The following IQGAP2 variants were observed in gnomAD, a reference collection of about 807,000 sequenced individuals.
IQGAP2 encodes IQ motif containing GTPase activating protein 2.
In IQGAP2, 173 loss-of-function variants were observed where a neutral mutation model predicts 201.3. The ratio of observed to expected loss-of-function variants is 0.86; its 90% CI spans 0.76 to 0.98. IQGAP2 has a LOEUF of 0.98. Ranked by LOEUF, IQGAP2 falls within the 50% of genes least tolerant of loss-of-function variation. IQGAP2 has a pLI of 0.00. For synonymous variants in IQGAP2, 675 were observed against 673.9 expected (o/e 1.00, Z -0.03); for missense variants, 1,687 against 1,864.8 (o/e 0.90, Z 1.76).
chr5:76,522,617 G>T (rs2150196644), intron 2 of IQGAP2, among the ~76,000 whole-genome samples: 1 of 152,338 alleles, frequency 6.6e-6, no homozygotes, highest in East Asian at 1.9e-4. Context: ...ATGCAGAAAG[G>T]AGAATTCAGC....
chr5:76,687,521 A>G (rs1378698980), intron 30 of IQGAP2, among the ~76,000 whole-genome samples: 1 of 152,218 alleles, frequency 6.6e-6, no homozygotes, highest in African/African-American at 2.4e-5. Flanking sequence ...GTCTAAAAGT[A>G]CCAGTATCAG....
intron 21 of IQGAP2, among the ~76,000 whole-genome samples, chr5:76,662,922 C>T (rs1474985212): frequency 6.6e-6 from 1 of 152,210 alleles, no homozygotes; most frequent in Non-Finnish European, 1.5e-5. Flanking sequence ...TAAGTCAAGG[C>T]TGCCTCTCTC....
At chr5:76,406,828 C>CTT (rs35434290) in intron 1 of IQGAP2, among the ~76,000 whole-genome samples, 68,532 of 151,284 alleles carry the variant, frequency 0.45, 15,923 homozygotes, top group Admixed American at 0.51. Context: ...GTTTTCTACA[C>CTT]TACAAGATTC....
At chr5:76,656,905 A>T (rs1452372237) in intron 20 of IQGAP2, among the ~76,000 whole-genome samples, 2 of 152,170 alleles carry the variant, frequency 1.3e-5, no homozygotes, top group Non-Finnish European at 1.5e-5. Context: ...TTAAAAAAAA[A>T]AATAACTTTT....
chr5:76,553,852 G>GAATGC (rs1314908296), intron 2 of IQGAP2, among the ~76,000 whole-genome samples: 2 of 152,204 alleles, frequency 1.3e-5, no homozygotes, highest in Admixed American at 1.3e-4. Context: ...AAGAAGCAGT[G>GAATGC]AATGCAAGGA....
chr5:76,601,706 G>T (rs1405180619), intron 11 of IQGAP2, among the ~76,000 whole-genome samples: 1 of 152,168 alleles, frequency 6.6e-6, no homozygotes, highest in Non-Finnish European at 1.5e-5. Flanking sequence ...TTCAGCTACT[G>T]ATTTTGGAAC....
chr5:76,429,186 A>G lies in IQGAP2; in HGVS notation c.46+25595A>G, dbSNP rs77281707. ...GTCATGTATGTTTTCTCTTATAGAT[A>G]CTTTTTGACCTTATTACCCAAATAT... On this transcript the variant is annotated intron_variant, in intron 1 of 35. Transcript: ENST00000274364. 2.2e-3 allele frequency among the ~76,000 whole-genome samples: 328 copies of G among 152,200 alleles called. 1 individual carries two copies. Among genetic ancestry groups the G allele is most frequent in the African/African-American group, 7.7e-3 (318 of 41,518 alleles).
At chr5:76,552,064 T>C (rs1743591897) in intron 2 of IQGAP2, among the ~76,000 whole-genome samples, 1 of 152,158 alleles carries the variant, frequency 6.6e-6, no homozygotes, top group Non-Finnish European at 1.5e-5. Context: ...CTGAACACTT[T>C]CGTTGTGGGG....
chr5:76,671,674 C>G (rs1455581048), intron 23 of IQGAP2, 85 bp from the exon 24 acceptor site: 1 of 963,784 alleles, frequency 1.0e-6, no homozygotes, highest in Non-Finnish European at 1.5e-6. Context: ...GGTGACAGAG[C>G]AAGACTGTCT....
chr5:76,607,311 T>C (rs537611989), intron 12 of IQGAP2: 1 of 152,312 alleles, frequency 6.6e-6, no homozygotes, highest in African/African-American at 2.4e-5. Context: ...TTCCTGTGAG[T>C]GCTGGGCCAA....
intron 14 of IQGAP2, among the ~76,000 whole-genome samples, chr5:76,630,097 G>A (rs1269020454): frequency 6.6e-6 from 1 of 152,138 alleles, no homozygotes; most frequent in Non-Finnish European, 1.5e-5. Flanking sequence ...GGTTGGTTGT[G>A]ACTTAGAGCA....
intron 16 of IQGAP2, among the ~76,000 whole-genome samples, chr5:76,638,540 T>A (rs1419071016): frequency 6.6e-6 from 1 of 151,976 alleles, no homozygotes. Context: ...TCAGCAATTT[T>A]TATATATATA....
chr5:76,443,469 GTT>G (rs76592953), intron 1 of IQGAP2, among the ~76,000 whole-genome samples: 2 of 138,714 alleles, frequency 1.4e-5, no homozygotes, highest in Non-Finnish European at 3.1e-5. Flanking sequence ...AACACCAAAA[GTT>G]TTTTTTTTTT....
intron 1 of IQGAP2, among the ~76,000 whole-genome samples, chr5:76,453,999 A>T (rs897954859): frequency 2.6e-5 from 4 of 152,118 alleles, no homozygotes; most frequent in African/African-American, 9.7e-5. Flanking sequence ...CTGTATGGGG[A>T]TGGGAGGACA....
chr5:76,706,075 C>T (rs999314197), intron 35 of IQGAP2, among the ~76,000 whole-genome samples: 6 of 152,164 alleles, frequency 3.9e-5, no homozygotes, highest in East Asian at 1.9e-4. Context: ...TGCGGACCAC[C>T]GCTTTGTACA....
chr5:76,461,451 A>G (rs1168606554), intron 1 of IQGAP2, 119 bp from the exon 2 acceptor site: 3 of 593,302 alleles, frequency 5.1e-6, no homozygotes, highest in African/African-American at 1.9e-5. Flanking sequence ...TGGTGTTTCA[A>G]TACTCCTGTC....
At chr5:76,426,166 G>C (rs2150085541) in intron 1 of IQGAP2, among the ~76,000 whole-genome samples, 1 of 152,292 alleles carries the variant, frequency 6.6e-6, no homozygotes, top group Non-Finnish European at 1.5e-5. Context: ...TCACGTTAAG[G>C]TCTGTGGCTT....
intron 2 of IQGAP2, among the ~76,000 whole-genome samples, chr5:76,545,362 A>G (rs4704330): frequency 0.56 from 84,369 of 151,970 alleles, 24,453 homozygotes; most frequent in South Asian, 0.74. Context: ...TAGCCTTGCC[A>G]AAGGACCTCG....
intron 5 of IQGAP2, among the ~76,000 whole-genome samples, chr5:76,584,060 A>G (rs1226968864): frequency 6.6e-6 from 1 of 152,064 alleles, no homozygotes; most frequent in Non-Finnish European, 1.5e-5. Flanking sequence ...TTTAGTAGAG[A>G]TGGGGTTTCA....
Sources: allele counts gnomAD v4.1 joint callset (sites outside exome capture counted in the v4.1 genomes callset), GRCh38; gene constraint gnomAD v4.1.1; transcripts MANE v1.5; gene names NCBI Gene and HGNC (gene_info 2026-07-23, HGNC 2026-07-21).